The following LINGO2 variants were observed in gnomAD, a reference collection of about 807,000 sequenced individuals.
LINGO2 encodes the protein leucine rich repeat and Ig domain containing 2.
Under a neutral mutation model 30.6 loss-of-function variants are expected in LINGO2, and 14 were observed. The observed-to-expected ratio is 0.46, with a 90% CI of 0.30 to 0.72. The LOEUF (loss-of-function observed/expected upper bound fraction) is 0.72, where lower values mean the gene tolerates loss of function less well. Among genes scored for constraint, LINGO2 ranks in the 30% least tolerant of loss-of-function variants. LINGO2 has a pLI of 0.07. For missense variants in LINGO2, 729 were observed against 751.7 expected (o/e 0.97, Z 0.35); for synonymous variants, 317 against 288.5 (o/e 1.10, Z -1.00).
At chr9:29,114,024 C>T in the LINGO2 span, among the ~76,000 whole-genome samples, 1 of 151,698 alleles carries the variant, frequency 6.6e-6, no homozygotes, top group East Asian at 1.9e-4. Context: ...CTGCTCATTC[C>T]TCTCAGCTAA....
chr9:27,975,718 A>G (rs182469086), intron 5 of LINGO2, among the ~76,000 whole-genome samples: 59 of 152,276 alleles, frequency 3.9e-4, no homozygotes, highest in Non-Finnish European at 7.2e-4. Context: ...GGTTCAAAAC[A>G]CTGTTATGTC....
chr9:29,087,666 C>T, the LINGO2 span, among the ~76,000 whole-genome samples: 22 of 151,974 alleles, frequency 1.4e-4, no homozygotes, highest in African/African-American at 5.1e-4. Flanking sequence ...TTTAATTAGA[C>T]TAGAATTTGC....
the LINGO2 span, among the ~76,000 whole-genome samples, chr9:29,026,384 C>T: frequency 1.1e-4 from 16 of 152,062 alleles, no homozygotes; most frequent in African/African-American, 3.9e-4. Flanking sequence ...GCCTAAAAAG[C>T]AGGCTTTTTA....
the LINGO2 span, among the ~76,000 whole-genome samples, chr9:28,688,637 AAAC>A: frequency 4.6e-5 from 7 of 152,196 alleles, no homozygotes; most frequent in African/African-American, 9.6e-5. Context: ...AAACTCGTTT[AAAC>A]AACAAGAACT....
intron 2 of LINGO2, among the ~76,000 whole-genome samples, chr9:28,436,585 T>G (rs886698692): frequency 1.3e-5 from 2 of 151,884 alleles, no homozygotes; most frequent in African/African-American, 2.4e-5. Context: ...AGCCTCCAGA[T>G]TAGCTGGTAC....
At chr9:28,943,401 G>A in the LINGO2 span, among the ~76,000 whole-genome samples, 1,146 of 152,178 alleles carry the variant, frequency 7.5e-3, 5 homozygotes, top group Non-Finnish European at 0.011. Context: ...CAAGCAAAAT[G>A]AGGATAGATC....
the LINGO2 span, among the ~76,000 whole-genome samples, chr9:28,817,465 AGCTTCTCTCTGCATGGTG>A: frequency 2.0e-5 from 3 of 152,190 alleles, no homozygotes; most frequent in Non-Finnish European, 4.4e-5. Flanking sequence ...TCCTCATCTA[AGCTTCTCTCTGCATGGTG>A]GCTTCCTTCT....
At chr9:29,160,290 A>AC in the LINGO2 span, among the ~76,000 whole-genome samples, 1 of 152,236 alleles carries the variant, frequency 6.6e-6, no homozygotes, top group African/African-American at 2.4e-5. Flanking sequence ...GCAATGAAGC[A>AC]TAACTAGTTA....
At chr9:29,084,433 A>C in the LINGO2 span, among the ~76,000 whole-genome samples, 29,968 of 151,980 alleles carry the variant, frequency 0.2, 3,090 homozygotes, top group African/African-American at 0.24. Flanking sequence ...GAAAAACTGC[A>C]CAGGTATTTT....
chr9:28,891,893 T>G, the LINGO2 span, among the ~76,000 whole-genome samples: 1 of 151,904 alleles, frequency 6.6e-6, no homozygotes. Context: ...GTAAGGCACT[T>G]AAAAGTTTAT....
chr9:28,374,037 G>C (rs1025510876), intron 2 of LINGO2, among the ~76,000 whole-genome samples: 1 of 151,930 alleles, frequency 6.6e-6, no homozygotes, highest in African/African-American at 2.4e-5. Flanking sequence ...AATCACAAAG[G>C]TTTCTCCTTT....
chr9:28,830,754 CT>C, the LINGO2 span, among the ~76,000 whole-genome samples: 9 of 125,916 alleles, frequency 7.1e-5, no homozygotes, highest in African/African-American at 2.1e-4. Flanking sequence ...TCTCTTGCCC[CT>C]ATACACACAC....
At chr9:29,014,479 T>A in the LINGO2 span, among the ~76,000 whole-genome samples, 2 of 152,128 alleles carry the variant, frequency 1.3e-5, no homozygotes, top group African/African-American at 2.4e-5. Context: ...CTTTTAGATG[T>A]ATCAACTCAC....
intron 4 of LINGO2, among the ~76,000 whole-genome samples, chr9:28,122,461 A>G (rs1047680307): frequency 2.6e-5 from 4 of 152,194 alleles, no homozygotes; most frequent in African/African-American, 9.6e-5. Flanking sequence ...TATCAGCATT[A>G]TTGTTTTGTC....
chr9:28,344,011 G>A (rs557128282), intron 3 of LINGO2, among the ~76,000 whole-genome samples: 1 of 152,192 alleles, frequency 6.6e-6, no homozygotes, highest in Non-Finnish European at 1.5e-5. Flanking sequence ...TGTTTCTCCT[G>A]CAGCCAGTAA....
chr9:28,100,437 C>T (rs921437859), intron 4 of LINGO2, among the ~76,000 whole-genome samples: 1 of 152,068 alleles, frequency 6.6e-6, no homozygotes, highest in Non-Finnish European at 1.5e-5. Flanking sequence ...GTAGTAAATG[C>T]TAACATGGAG....
intron 4 of LINGO2, among the ~76,000 whole-genome samples, chr9:28,280,463 C>T (rs1823280030): frequency 6.6e-6 from 1 of 152,090 alleles, no homozygotes; most frequent in Admixed American, 6.6e-5. Context: ...ACACTAGGAA[C>T]TAATAGTAGT....
At chr9:28,684,348 C>T in the LINGO2 span, among the ~76,000 whole-genome samples, 1 of 149,778 alleles carries the variant, frequency 6.7e-6, no homozygotes, top group Admixed American at 6.7e-5. Context: ...CCACCACGCC[C>T]GGCTAATTTT....
the LINGO2 span, among the ~76,000 whole-genome samples, chr9:29,117,974 A>T: frequency 6.6e-6 from 1 of 152,206 alleles, no homozygotes; most frequent in Non-Finnish European, 1.5e-5. Flanking sequence ...AAATATCAGG[A>T]TCTCAGATCG....
Sources: gnomAD v4.1 joint callset for allele counts (sites outside exome capture counted in the v4.1 genomes callset) on GRCh38, gnomAD v4.1.1 for gene constraint, MANE v1.5 for transcripts, NCBI Gene and HGNC (gene_info 2026-07-23, HGNC 2026-07-21) for gene names.